Variants in DLGAP4 observed in about 807,000 individuals in gnomAD.
DLGAP4 encodes disks large-associated protein 4.
In DLGAP4, 18 loss-of-function variants were observed where a neutral mutation model predicts 86.9. That is an observed-to-expected ratio of 0.21 (90% CI 0.14 to 0.31). DLGAP4 has a LOEUF of 0.31. Ranked by LOEUF, DLGAP4 falls within the 10% of genes least tolerant of loss-of-function variation. DLGAP4 has a pLI of 1.00. For missense variants in DLGAP4, 1,085 were observed against 1,362.6 expected, an observed-to-expected ratio of 0.80 and a Z score of 3.21; for synonymous variants, 548 against 574.3, an observed-to-expected ratio of 0.95 and a Z score of 0.65.
intron 1 of DLGAP4, among the ~76,000 whole-genome samples, chr20:36,331,887 G>T (rs926216313): frequency 6.6e-6 from 1 of 152,098 alleles, no homozygotes; most frequent in Non-Finnish European, 1.5e-5. Flanking sequence ...GTCTTTTGAG[G>T]ATCTGGGATC....
chr20:36,449,547 C>T (rs1489193166), intron 7 of DLGAP4, among the ~76,000 whole-genome samples: 4 of 152,188 alleles, frequency 2.6e-5, no homozygotes, highest in African/African-American at 9.7e-5. Context: ...GCCTCCACAT[C>T]CAGAAGAGCT....
chr20:36,506,635 C>A (rs2036389568), intron 10 of DLGAP4, among the ~76,000 whole-genome samples: 1 of 152,166 alleles, frequency 6.6e-6, no homozygotes, highest in Admixed American at 6.5e-5. Context: ...TGACAATGTT[C>A]TTTTCAGATA....
intron 2 of DLGAP4, among the ~76,000 whole-genome samples, chr20:36,376,519 GTCTTGGGGGTGACAGCAGGT>G (rs1385315602): frequency 6.6e-6 from 1 of 152,142 alleles, no homozygotes; most frequent in Non-Finnish European, 1.5e-5. Flanking sequence ...TCCTGGGCTG[GTCTTGGGGGTGACAGCAGGT>G]AGGACAGGAC....
chr20:36,414,953 CA>C (rs1001901240), intron 2 of DLGAP4, among the ~76,000 whole-genome samples: 3 of 152,280 alleles, frequency 2.0e-5, no homozygotes, highest in African/African-American at 7.2e-5. Context: ...AGAACATACC[CA>C]ACCTTTGTTG....
At chr20:36,520,728 T>C (rs1489801572) in intron 10 of DLGAP4, among the ~76,000 whole-genome samples, 3 of 152,110 alleles carry the variant, frequency 2.0e-5, no homozygotes, top group Non-Finnish European at 4.4e-5. Context: ...TTCCCTTCTT[T>C]ATCTGCTTTT....
chr20:36,480,248 G>A lies in DLGAP4; in HGVS notation c.1649-16457G>A, dbSNP rs536057566. On this transcript the variant is annotated intron_variant, in intron 7 of 12. Transcript: ENST00000339266. ...TTCTGAGGATGGATTTATCATCTCA[G>A]ATGGGAGCTCTTATGCAGCTAGACT... is the stretch of plus-strand genomic sequence containing the variant. Among the ~76,000 whole-genome samples the A allele has an allele frequency of 7.9e-5, 12 of 152,352 alleles. No individual in the cohort carries two copies. In the East Asian group the frequency reaches 2.3e-3, roughly 29 times the overall value.
chr20:36,376,952 A>G (rs2031179295), intron 2 of DLGAP4, among the ~76,000 whole-genome samples: 1 of 152,150 alleles, frequency 6.6e-6, no homozygotes, highest in Non-Finnish European at 1.5e-5. Flanking sequence ...AATTCTGGTT[A>G]CCACGGTCCA....
At position 36,436,169 on chromosome 20, in the gene DLGAP4, G is replaced by T; in HGVS notation, c.1060G>T (p.Ala354Ser). 1.3e-6 allele frequency: 2 copies of T among 1,597,038 alleles called. No homozygotes were observed. The highest frequency in any genetic ancestry group is 8.5e-7 in the Non-Finnish European group (1 of 1,177,190). ...TLLSPRETDA[A>S]AEGPIPCRRM... ...GCTGTCCCCACGCGAGACGGATGCCGCGGCCGAGGGCCCTATCCCGTGCCG... is the reference window on the plus strand; with the variant it reads ...GCTGTCCCCACGCGAGACGGATGCCTCGGCCGAGGGCCCTATCCCGTGCCG... The change falls in exon 4 of 13, where the codon GCG (alanine) becomes TCG (serine). Residue 354 changes from alanine (A) to serine (S), a missense_variant. Ala to Ser is a moderately conservative substitution (Grantham distance 99). This residue lies in a region of DLGAP4 where 1,082 missense variants were observed against 1,344.1 expected (regional missense o/e 0.81). Coordinates refer to ENST00000339266, the MANE Select transcript of DLGAP4 (RefSeq NM_001365621.2).
chr20:36,319,295 T>A (rs1324942085), intron 1 of DLGAP4, among the ~76,000 whole-genome samples: 1 of 152,102 alleles, frequency 6.6e-6, no homozygotes, highest in Admixed American at 6.5e-5. Context: ...CACAGAAACC[T>A]CTCTCAGCCT....
chr20:36,372,816 ATAGAAACAGTGCTG>A (rs2030996940), intron 2 of DLGAP4, among the ~76,000 whole-genome samples: 1 of 152,322 alleles, frequency 6.6e-6, no homozygotes, highest in African/African-American at 2.4e-5. Context: ...TTCCGCAGCT[ATAGAAACAGTGCTG>A]TAAATCTCTA....
chr20:36,410,260 C>A (rs1275001409), intron 2 of DLGAP4, among the ~76,000 whole-genome samples: 2 of 152,134 alleles, frequency 1.3e-5, no homozygotes, highest in Admixed American at 6.5e-5. Flanking sequence ...CTGGAAAAAC[C>A]TGCATTTCTC....
chr20:36,447,051 G>T, intron 7 of DLGAP4, 114 bp downstream of exon 7: 1 of 1,456,218 alleles, frequency 6.9e-7, no homozygotes, highest in Non-Finnish European at 9.1e-7. Context: ...AGGCTGGCCC[G>T]CACCAGGGGG....
intron 6 of DLGAP4, among the ~76,000 whole-genome samples, chr20:36,444,427 G>T (rs1452137366): frequency 1.3e-5 from 2 of 151,984 alleles, no homozygotes; most frequent in Non-Finnish European, 2.9e-5. Context: ...GGGACTACAG[G>T]CACGCACCAC....
Position 36,525,986 on chromosome 20 carries a change from G to A in DLGAP4, c.2740G>A (p.Glu914Lys), listed in dbSNP as rs1181825947. Reference sequence around the variant, plus strand: ...CAAGGCCAACAGCTGGCAGCTGGTGGAGACCCCCGAGAAGAGGAAGGTGAG... The same window carrying A: ...CAAGGCCAACAGCTGGCAGCTGGTGAAGACCCCCGAGAAGAGGAAGGTGAG... ...HLKANSWQLV[E>K]TPEKRKEEKK... Residue 914 changes from glutamate to lysine, a missense_variant, in exon 12 of 13, where the codon GAG becomes AAG. By Grantham distance (56) the Glu-to-Lys change is moderately conservative. This residue lies in a region of DLGAP4 where 1,082 missense variants were observed against 1,344.1 expected (regional missense o/e 0.81). Transcript: ENST00000339266. 6.2e-7 allele frequency: 1 copy of A among 1,614,016 alleles called. No homozygotes were observed. The highest frequency in any genetic ancestry group is 1.7e-5 in the Admixed American group (1 of 60,012).
intron 1 of DLGAP4, among the ~76,000 whole-genome samples, chr20:36,316,637 T>C (rs969796071): frequency 6.6e-6 from 1 of 152,066 alleles, no homozygotes; most frequent in Non-Finnish European, 1.5e-5. Context: ...ACCTGAGCAT[T>C]GTTGAGCCTG....
chr20:36,387,713 A>G (rs2031646827), intron 2 of DLGAP4, among the ~76,000 whole-genome samples: 4 of 152,178 alleles, frequency 2.6e-5, no homozygotes, highest in Admixed American at 1.3e-4. Flanking sequence ...TCATTTTTCT[A>G]TAGCTAGCCT....
At chr20:36,476,830 A>G (rs1284699327) in intron 7 of DLGAP4, among the ~76,000 whole-genome samples, 2 of 148,630 alleles carry the variant, frequency 1.3e-5, no homozygotes, top group Non-Finnish European at 3.0e-5. Context: ...AGTAGCTGGG[A>G]TTACAGGCAT....
chr20:36,428,159 G>A (rs1330956729), intron 2 of DLGAP4, among the ~76,000 whole-genome samples: 2 of 152,166 alleles, frequency 1.3e-5, no homozygotes, highest in Non-Finnish European at 2.9e-5. Context: ...CAGGGGTGAG[G>A]GAGGGAGGCA....
chr20:36,419,614 C>T (rs1425889070), intron 2 of DLGAP4, among the ~76,000 whole-genome samples: 2 of 152,174 alleles, frequency 1.3e-5, no homozygotes, highest in Non-Finnish European at 2.9e-5. Context: ...TACTGCCATC[C>T]GAAGTCCTAA....
Sources: allele counts gnomAD v4.1 joint callset (sites outside exome capture counted in the v4.1 genomes callset), GRCh38; gene constraint gnomAD v4.1.1; regional missense constraint gnomAD v4.1.1; transcripts MANE v1.5; gene names NCBI Gene and HGNC (gene_info 2026-07-23, HGNC 2026-07-21).